Variants in PCSK6 observed in about 807,000 individuals in gnomAD.
The protein encoded by PCSK6 is paired basic amino acid cleaving enzyme 4.
PCSK6 carries 85 observed loss-of-function variants against 123.3 expected under a neutral mutation model. That is an observed-to-expected ratio of 0.69 (90% confidence interval 0.58 to 0.83). PCSK6 has a LOEUF of 0.83. PCSK6 is among the 40% of genes least tolerant of loss of function. The pLI is 0.00. For missense variants in PCSK6, 1,191 were observed against 1,282.3 expected (o/e 0.93, Z 1.09); for synonymous variants, 508 against 516.0 (o/e 0.98, Z 0.21).
At chr15:101,381,601 C>T (rs2041911755) in intron 11 of PCSK6, among the ~76,000 whole-genome samples, 1 of 152,188 alleles carries the variant, frequency 6.6e-6, no homozygotes. Context: ...CAACCTGCAA[C>T]AGAGAAGAGG....
chr15:101,396,279 G>A lies in PCSK6; in HGVS notation c.996+2125C>T, dbSNP rs534944259. The stretch of plus-strand genomic sequence containing the variant: ...TGAAACCAACACTGCTCAGAATTCC[G>A]AATGCAAAGATCCCTCTCTGCAGCT... On this transcript the variant is annotated intron_variant, in intron 7 of 21. Transcript: ENST00000611716. 1.0e-3 allele frequency among the ~76,000 whole-genome samples: 152 copies of A among 152,124 alleles called. 1 individual carries two copies. Among genetic ancestry groups the A allele is most frequent in the Middle Eastern group, 3.4e-3 (1 of 294 alleles).
chr15:101,313,147 T>C, intron 20 of PCSK6: 1 of 1,469,364 alleles, frequency 6.8e-7, no homozygotes, highest in South Asian at 1.4e-5. Context: ...GCTTCCCATC[T>C]TATCCCGCTG....
chr15:101,450,856 C>A (rs2057016349), intron 1 of PCSK6, among the ~76,000 whole-genome samples: 1 of 152,138 alleles, frequency 6.6e-6, no homozygotes, highest in Non-Finnish European at 1.5e-5. Flanking sequence ...CTGGGCAAGA[C>A]CCCCACTGGC....
At chr15:101,471,186 A>G (rs950224685) in intron 1 of PCSK6, among the ~76,000 whole-genome samples, 2 of 152,146 alleles carry the variant, frequency 1.3e-5, no homozygotes, top group Non-Finnish European at 2.9e-5. Context: ...GTAGCCCCAG[A>G]ACATCCTCTA....
rs73481287 is a variant in PCSK6, at chr15:101,433,411, C to T, written c.403-1311G>A. Among the ~76,000 whole-genome samples the T allele has an allele frequency of 4.8e-3, 725 of 152,336 alleles. 13 individuals are homozygous for T. The highest frequency in any genetic ancestry group is 0.029 in the East Asian group (150 of 5,190). ...GGGAATGTTTTCTTTGGTCTTACCA[C>T]GGCAGCTCCACCTGATTGAATAATG... On this transcript the variant is annotated intron_variant, in intron 2 of 21. Transcript: ENST00000611716.
intron 6 of PCSK6, among the ~76,000 whole-genome samples, chr15:101,411,194 T>A (rs2055670314): frequency 6.6e-6 from 1 of 151,502 alleles, no homozygotes. Flanking sequence ...GACTTCTGAG[T>A]GGGGAACAAT....
Position 101,469,590 on chromosome 15 carries a change from C to G in PCSK6, c.297+19784G>C, listed in dbSNP as rs146301978. On this transcript the variant is annotated intron_variant, in intron 1 of 21. Coordinates refer to ENST00000611716, the MANE Select transcript of PCSK6 (RefSeq NM_002570.5). Reference sequence around the variant, plus strand: ...CGTCAGTGGTGGTGGGCACGAGCCCCGAAGAACATGCCAGGCAGGCGAAGG... The same window carrying G: ...CGTCAGTGGTGGTGGGCACGAGCCCGGAAGAACATGCCAGGCAGGCGAAGG... Among the ~76,000 whole-genome samples, 216 of 152,278 alleles carry G rather than the reference C, an allele frequency of 1.4e-3. 1 individual carries two copies. The highest frequency in any genetic ancestry group is 2.2e-3 in the Admixed American group (34 of 15,298).
At position 101,384,127 on chromosome 15, in the gene PCSK6, G is replaced by A. The variant is rs1555452376; in HGVS notation, c.1414+195C>T. The stretch of plus-strand genomic sequence containing the variant: ...GAGACCCCAGACTCTTGTGACCTGA[G>A]GGTTCTTCCGTAATGTCACTGTGAG... On this transcript the variant is annotated intron_variant, in intron 10 of 21. Transcript: ENST00000611716. 7.2e-6 allele frequency: 10 copies of A among 1,385,440 alleles called. No homozygotes were observed. In the South Asian group the frequency reaches 1.1e-4, roughly 16 times the overall value. The allele number at this position is 1,385,440 out of a possible 1,614,324, so 85.8% of individuals were successfully genotyped here. A position where few individuals can be genotyped will look rare whatever the true frequency, so the allele number is the denominator to read the frequency against.
At chr15:101,362,601 G>A (rs1004586689) in intron 13 of PCSK6, among the ~76,000 whole-genome samples, 3 of 152,138 alleles carry the variant, frequency 2.0e-5, no homozygotes, top group African/African-American at 7.2e-5. Flanking sequence ...TGTGCAAGAG[G>A]GCACTTCTAG....
intron 1 of PCSK6, among the ~76,000 whole-genome samples, chr15:101,448,211 C>T (rs1434568994): frequency 1.3e-5 from 2 of 152,164 alleles, no homozygotes; most frequent in African/African-American, 4.8e-5. Flanking sequence ...CTTTACTCAA[C>T]GTTGATAGGC....
At chr15:101,389,727 C>T (rs1474528404) in intron 8 of PCSK6, among the ~76,000 whole-genome samples, 163 bp from the exon 9 acceptor site, 4 of 152,168 alleles carry the variant, frequency 2.6e-5, no homozygotes, top group African/African-American at 9.7e-5. Context: ...CACAGGTTTC[C>T]ACAACATCTG....
chr15:101,411,497 C>G (rs2055683330), intron 6 of PCSK6, among the ~76,000 whole-genome samples: 1 of 152,162 alleles, frequency 6.6e-6, no homozygotes, highest in Admixed American at 6.5e-5. Flanking sequence ...AGACAACCAC[C>G]CACAGCCACA....
In PCSK6 at chr15:101,370,330, C is replaced by T. The variant is rs1274623090; in HGVS notation, c.1721+5G>A. On this transcript the variant is annotated splice_donor_5th_base_variant and intron_variant, in intron 12 of 21. Coordinates refer to ENST00000611716, the MANE Select transcript of PCSK6 (RefSeq NM_002570.5). ...GACCCCATCCCCACGCCTGCCTCGC[C>T]TTACCTCTTTGCCAGAAGTTGAGAC... The T allele has an allele frequency of 6.5e-7, 1 of 1,529,692 alleles. No individual in the cohort carries two copies. Among genetic ancestry groups the T allele is most frequent in the Admixed American group, 2.0e-5 (1 of 49,616 alleles). The allele number at this position is 1,529,692 out of a possible 1,614,324, so 94.8% of individuals were successfully genotyped here.
At chr15:101,337,048 C>T (rs1976035) in intron 13 of PCSK6, 8,478 of 151,902 alleles carry the variant, frequency 0.056, 513 homozygotes, top group East Asian at 0.28. Context: ...CTCTGTTGCC[C>T]GGCTGGAGTG....
intron 13 of PCSK6, among the ~76,000 whole-genome samples, chr15:101,364,628 C>T (rs1200134780): frequency 6.6e-6 from 1 of 152,114 alleles, no homozygotes; most frequent in Non-Finnish European, 1.5e-5. Context: ...ATACTCAACA[C>T]TACAAAAAAC....
rs561658597 is a variant in PCSK6 at position 101,406,643 on chromosome 15, A to ATAGACACGGCTTT, written c.824-8080_824-8068dup. ...TCAACCCTCATTATCACCTAAGACA[A>ATAGACACGGCTTT]TAGACACGGCTTTCAAATTGCTAAC... On this transcript the variant is annotated intron_variant, in intron 6 of 21. Coordinates refer to ENST00000611716, the MANE Select transcript of PCSK6 (RefSeq NM_002570.5). Among the ~76,000 whole-genome samples the ATAGACACGGCTTT allele has an allele frequency of 5.5e-3, 839 of 152,290 alleles. 7 individuals are homozygous for ATAGACACGGCTTT. The highest frequency in any genetic ancestry group is 0.022 in the South Asian group (106 of 4,820).
At chr15:101,362,716 C>A (rs1173030859) in intron 13 of PCSK6, among the ~76,000 whole-genome samples, 1 of 152,160 alleles carries the variant, frequency 6.6e-6, no homozygotes, top group Non-Finnish European at 1.5e-5. Context: ...GCGTACTATC[C>A]CCATTTTCTA....
intron 1 of PCSK6, among the ~76,000 whole-genome samples, chr15:101,467,060 T>C (rs1441202994): frequency 1.3e-5 from 2 of 152,054 alleles, no homozygotes; most frequent in African/African-American, 2.4e-5. Flanking sequence ...TACAATTATG[T>C]AAAAGTTAAC....
chr15:101,434,507 C>A (rs1010778594), intron 2 of PCSK6, among the ~76,000 whole-genome samples: 2 of 152,250 alleles, frequency 1.3e-5, no homozygotes. Context: ...GGCATCCCGG[C>A]CCTTGGTCCT....
Sources: gnomAD v4.1 joint callset for allele counts (sites outside exome capture counted in the v4.1 genomes callset) on GRCh38, gnomAD v4.1.1 for gene constraint, MANE v1.5 for transcripts, NCBI Gene and HGNC (gene_info 2026-07-23, HGNC 2026-07-21) for gene names.